The following GALNT17 variants were observed in gnomAD, a reference collection of about 807,000 sequenced individuals.
GALNT17 encodes the protein polypeptide N-acetylgalactosaminyltransferase 17.
In GALNT17, 29 loss-of-function variants were observed where a neutral mutation model predicts 63.7. The ratio of observed to expected loss-of-function variants is 0.46; its 90% CI spans 0.34 to 0.62. The LOEUF is 0.62. Among genes scored for constraint, GALNT17 ranks in the 20% least tolerant of loss-of-function variants. The pLI, the probability that GALNT17 is intolerant of heterozygous loss-of-function variation, is 0.01. For synonymous variants in GALNT17, 305 were observed against 318.3 expected (o/e 0.96, Z 0.45); for missense variants, 603 against 799.6 (o/e 0.75, Z 2.97).
chr7:71,230,946 C>T (rs376821203), intron 1 of GALNT17, among the ~76,000 whole-genome samples: 1 of 152,036 alleles, frequency 6.6e-6, no homozygotes, highest in African/African-American at 2.4e-5. Flanking sequence ...GAAACTGTAG[C>T]GTGAGGACCA....
At chr7:71,237,511 G>GA (rs369921098) in intron 1 of GALNT17, among the ~76,000 whole-genome samples, 4,862 of 77,704 alleles carry the variant, frequency 0.063, 317 homozygotes, top group African/African-American at 0.17. Context: ...TCCCATCTCT[G>GA]AAAAAAAAAA....
At chr7:71,698,123 CAAAAAAAAA>C (rs10708106) in intron 9 of GALNT17, among the ~76,000 whole-genome samples, 11 of 107,744 alleles carry the variant, frequency 1.0e-4, no homozygotes, top group African/African-American at 3.6e-4. Flanking sequence ...GACTCTGTCT[CAAAAAAAAA>C]AAAAAAAAAG....
intron 5 of GALNT17, among the ~76,000 whole-genome samples, chr7:71,442,442 G>A (rs1321598147): frequency 6.6e-6 from 1 of 152,212 alleles, no homozygotes; most frequent in African/African-American, 2.4e-5. Context: ...CTCATGATCT[G>A]CCTGCCTCGG....
At chr7:71,172,130 G>A (rs1335298931) in intron 1 of GALNT17, among the ~76,000 whole-genome samples, 3 of 152,172 alleles carry the variant, frequency 2.0e-5, no homozygotes, top group East Asian at 1.9e-4. Flanking sequence ...AGAGGAGGGC[G>A]AAGAAGTGAG....
intron 1 of GALNT17, among the ~76,000 whole-genome samples, chr7:71,144,406 A>G (rs1045538805): frequency 2.6e-5 from 4 of 152,110 alleles, no homozygotes; most frequent in Non-Finnish European, 5.9e-5. Flanking sequence ...AGAACCTGAT[A>G]ATCATCATTA....
chr7:71,307,383 G>A (rs10263419), intron 1 of GALNT17, among the ~76,000 whole-genome samples: 139,261 of 151,930 alleles, frequency 0.92, 63,896 homozygotes, highest in East Asian at 1. Flanking sequence ...TTGAGTATAC[G>A]TTTTACCCTG....
intron 5 of GALNT17, among the ~76,000 whole-genome samples, chr7:71,531,296 C>T (rs1397655747): frequency 6.6e-6 from 1 of 152,100 alleles, no homozygotes; most frequent in Non-Finnish European, 1.5e-5. Context: ...TCTCCACCCT[C>T]TTTTATTATT....
chr7:71,376,887 A>G (rs1583902185), intron 2 of GALNT17, among the ~76,000 whole-genome samples: 1 of 151,240 alleles, frequency 6.6e-6, no homozygotes. Flanking sequence ...GGAGTTCAAG[A>G]CCAGCCTGGC....
At chr7:71,329,987 A>G (rs12699021) in intron 1 of GALNT17, among the ~76,000 whole-genome samples, 1 of 21,472 alleles carries the variant, frequency 4.7e-5, no homozygotes, top group Non-Finnish European at 9.6e-5. Context: ...GTGTGTGTGT[A>G]TATATATACA....
intron 5 of GALNT17, among the ~76,000 whole-genome samples, chr7:71,480,444 T>C (rs1294527346): frequency 1.3e-5 from 2 of 152,118 alleles, no homozygotes; most frequent in South Asian, 2.1e-4. Flanking sequence ...CTCCTACTCA[T>C]ACGTGGCATC....
intron 3 of GALNT17, among the ~76,000 whole-genome samples, chr7:71,399,610 A>G (rs1793205414): frequency 6.6e-6 from 1 of 151,656 alleles, no homozygotes; most frequent in Non-Finnish European, 1.5e-5. Context: ...TTTTTTTGTG[A>G]ATTTTGACTA....
intron 5 of GALNT17, among the ~76,000 whole-genome samples, chr7:71,438,085 G>A (rs1484310631): frequency 6.6e-6 from 1 of 152,122 alleles, no homozygotes; most frequent in African/African-American, 2.4e-5. Flanking sequence ...TAAAATGGTG[G>A]ATTTGGACTA....
chr7:71,510,333 C>T (rs184346689), intron 5 of GALNT17, among the ~76,000 whole-genome samples: 1 of 152,282 alleles, frequency 6.6e-6, no homozygotes, highest in East Asian at 1.9e-4. Context: ...TTTTCATTAC[C>T]TCAGAAAGAG....
intron 1 of GALNT17, among the ~76,000 whole-genome samples, chr7:71,198,197 CAAAAAAA>C (rs755388218): frequency 1.3e-5 from 1 of 77,080 alleles, no homozygotes; most frequent in Non-Finnish European, 2.9e-5. Flanking sequence ...GACTCTGTCT[CAAAAAAA>C]AAAAAAAAAA....
In GALNT17 at chr7:71,623,046, GC is replaced by G. The variant is rs571564048; in HGVS notation, c.1081-42363del. Among the ~76,000 whole-genome samples the G allele has an allele frequency of 3.5e-4, 53 of 152,120 alleles. 1 individual carries two copies. The highest frequency in any genetic ancestry group is 1.6e-3 in the Admixed American group (24 of 15,268). ...ATTTGGCCTACATCACAATTCACCT[GC>G]CACTTGCCATCTCCTGGGTCTGAAC... On this transcript the variant is annotated intron_variant, in intron 6 of 10. Transcript: ENST00000333538.
chr7:71,331,660 C>T (rs34445434), intron 1 of GALNT17, among the ~76,000 whole-genome samples: 38,418 of 151,898 alleles, frequency 0.25, 6,261 homozygotes, highest in Non-Finnish European at 0.35. Flanking sequence ...GCAGTGAATG[C>T]GCTGTGATTA....
chr7:71,265,118 A>ATTTTTTTTTTTTT (rs60738546), intron 1 of GALNT17, among the ~76,000 whole-genome samples: 5 of 37,454 alleles, frequency 1.3e-4, no homozygotes, highest in South Asian at 1.2e-3. Context: ...ATATATATAT[A>ATTTTTTTTTTTTT]TTTTTTTTTT....
chr7:71,181,970 G>T (rs1962622), intron 1 of GALNT17, among the ~76,000 whole-genome samples: 1 of 152,136 alleles, frequency 6.6e-6, no homozygotes, highest in Non-Finnish European at 1.5e-5. Flanking sequence ...GAGGTTGGGC[G>T]TTCAAGACCA....
At chr7:71,350,858 C>T (rs1054034062) in intron 2 of GALNT17, among the ~76,000 whole-genome samples, 4 of 152,126 alleles carry the variant, frequency 2.6e-5, no homozygotes, top group Non-Finnish European at 5.9e-5. Flanking sequence ...ACTCTGGCAG[C>T]GGCTGGGCGC....
Sources: allele counts gnomAD v4.1 joint callset (sites outside exome capture counted in the v4.1 genomes callset), GRCh38; gene constraint gnomAD v4.1.1; transcripts MANE v1.5; gene names NCBI Gene and HGNC (gene_info 2026-07-23, HGNC 2026-07-21).